Variants in HFM1 observed in about 807,000 individuals in gnomAD.
The protein encoded by HFM1 is probable ATP-dependent DNA helicase HFM1.
A neutral mutation model predicts 192.1 loss-of-function variants in HFM1; 169 were observed. That is an observed-to-expected ratio of 0.88 (90% CI 0.78 to 1.00). The LOEUF is 1.00. Among genes scored for constraint, HFM1 ranks in the 50% least tolerant of loss-of-function variants. The probability of loss-of-function intolerance (pLI) is 0.00; values close to 1 mark genes in which losing one functional copy is unlikely to be tolerated. For missense variants in HFM1, 1,661 were observed against 1,668.0 expected, an observed-to-expected ratio of 1.00 and a Z score of 0.07; for synonymous variants, 525 against 537.8, an observed-to-expected ratio of 0.98 and a Z score of 0.33.
In HFM1 at chr1:91,278,965, C is replaced by T. The variant is rs867733065; in HGVS notation, c.3392-1903G>A. Among the ~76,000 whole-genome samples the T allele has an allele frequency of 6.6e-5, 10 of 152,144 alleles. 1 individual carries two copies. In the South Asian group the frequency reaches 1.2e-3, roughly 19 times the overall value. ...AACATAAAAAATAATGAAACATCCC[C>T]CTCTTCTGGCTAACACAGATGACTA... On this transcript the variant is annotated intron_variant, in intron 30 of 38. Coordinates refer to ENST00000370425, the MANE Select transcript of HFM1 (RefSeq NM_001017975.6).
intron 30 of HFM1, among the ~76,000 whole-genome samples, chr1:91,288,001 T>C (rs1340415049): frequency 6.6e-6 from 1 of 151,468 alleles, no homozygotes; most frequent in Admixed American, 6.6e-5. Context: ...CTCCAAGAAA[T>C]ATGGGACTAT....
chr1:91,352,585 A>G lies in HFM1; in HGVS notation c.1898T>C (p.Met633Thr). Residue 633 changes from methionine to threonine, a missense_variant, in exon 16 of 39, where the codon ATG becomes ACG. By Grantham distance (81) the Met-to-Thr change is moderately conservative. Transcript: ENST00000370425. ...PAHLVVIKST[M>T]HYAGGLFEEY... ...TTCAAACAGTCCTCCAGCATAATGCATTGTAGATTTTATAACTACTAGGTG... is the reference window on the plus strand; with the variant it reads ...TTCAAACAGTCCTCCAGCATAATGCGTTGTAGATTTTATAACTACTAGGTG... 6.2e-7 allele frequency: 1 copy of G among 1,609,476 alleles called. No homozygotes were observed. The highest frequency in any genetic ancestry group is 8.5e-7 in the Non-Finnish European group (1 of 1,176,990).
At chr1:91,321,590 A>G (rs890817266) in intron 23 of HFM1, among the ~76,000 whole-genome samples, 5 of 152,194 alleles carry the variant, frequency 3.3e-5, no homozygotes, top group African/African-American at 1.2e-4. Context: ...TGACAAAGCC[A>G]TGAAAAAGGT....
rs1484550801 is a variant in HFM1, at chr1:91,375,566, A to G, written c.1557T>C (p.Ser519=). 2 of 1,613,398 alleles carry G rather than the reference A, an allele frequency of 1.2e-6. No homozygotes were observed. The highest frequency in any genetic ancestry group is 1.7e-6 in the Non-Finnish European group (2 of 1,179,604). Residue 519 remains serine, a synonymous_variant, in exon 12 of 39, where the codon AGT becomes AGC. Transcript: ENST00000370425. ...TCTGATCAGAGTACATTTGTATAAC[A>G]CTGGCAATTTTGTAGTTGAGGGTTA... ...FDLTLNYKIA[S]VIQMYSDQKP...
At chr1:91,391,295 G>A (rs1662955909) in intron 4 of HFM1, among the ~76,000 whole-genome samples, 1 of 152,116 alleles carries the variant, frequency 6.6e-6, no homozygotes, top group African/African-American at 2.4e-5. Context: ...CATTGCCAAG[G>A]CAATCCTAAG....
At chr1:91,277,346 A>G (rs1666924546) in intron 30 of HFM1, among the ~76,000 whole-genome samples, 1 of 151,066 alleles carries the variant, frequency 6.6e-6, no homozygotes, top group African/African-American at 2.4e-5. Context: ...CAGCCTTCCA[A>G]GTAGCTGGGA....
chr1:91,277,566 GTATAATATATATACTTTATA>G (rs200475133), intron 30 of HFM1, among the ~76,000 whole-genome samples: 47,312 of 62,076 alleles, frequency 0.76, 21,925 homozygotes, highest in Middle Eastern at 0.92. Flanking sequence ...CTTTAAATAT[GTATAATATATATACTTTATA>G]TATAATATAT....
At chr1:91,372,409 T>C (rs1200959659) in intron 13 of HFM1, among the ~76,000 whole-genome samples, 4 of 152,152 alleles carry the variant, frequency 2.6e-5, no homozygotes, top group African/African-American at 9.7e-5. Flanking sequence ...TATGCAGCCA[T>C]AAAAAATGAT....
At chr1:91,326,133 A>C (rs1348557927) in intron 20 of HFM1, among the ~76,000 whole-genome samples, 1 of 152,240 alleles carries the variant, frequency 6.6e-6, no homozygotes, top group East Asian at 1.9e-4. Context: ...TAGCCTCAAA[A>C]GGGCAAATCT....
In HFM1 at chr1:91,266,109, T is replaced by C; in HGVS notation, c.3884-2A>G. ...TTGAACTCAAAGTGTTTCCAAATCC[T>C]ATGTGAAGAGATAACATTTTGAAAC... is the stretch of plus-strand genomic sequence containing the variant. On this transcript the variant is annotated splice_acceptor_variant, in intron 35 of 38. Coordinates refer to ENST00000370425, the MANE Select transcript of HFM1 (RefSeq NM_001017975.6). LOFTEE classifies it high-confidence loss of function. 7 of 1,588,696 alleles carry C rather than the reference T, an allele frequency of 4.4e-6. No homozygotes were observed. The highest frequency in any genetic ancestry group is 6.0e-6 in the Non-Finnish European group (7 of 1,172,258).
At chr1:91,403,436 AGAT>A (rs1158635048) in intron 1 of HFM1, among the ~76,000 whole-genome samples, 1 of 152,204 alleles carries the variant, frequency 6.6e-6, no homozygotes, top group East Asian at 1.9e-4. Flanking sequence ...AGGTTCTAAA[AGAT>A]GATGAATTTG....
chr1:91,303,227 T>C (rs1649107957), intron 30 of HFM1, among the ~76,000 whole-genome samples: 1 of 152,224 alleles, frequency 6.6e-6, no homozygotes, highest in South Asian at 2.1e-4. Context: ...TTTATGTCTC[T>C]ATAGATTTAC....
At chr1:91,263,636 C>A (rs1424681211) in intron 36 of HFM1, among the ~76,000 whole-genome samples, 3 of 151,944 alleles carry the variant, frequency 2.0e-5, no homozygotes, top group Admixed American at 2.0e-4. Flanking sequence ...ACCTGTAGTC[C>A]CAGCTACTTG....
At chr1:91,262,631 CAAG>C in intron 36 of HFM1, 39 bp from the exon 37 acceptor site, 1 of 1,197,440 alleles carries the variant, frequency 8.4e-7, no homozygotes, top group African/African-American at 1.5e-5. Flanking sequence ...ATACGGCAAA[CAAG>C]AAAAACCATT....
chr1:91,324,866 G>A (rs923012254), intron 20 of HFM1, 100 bp from the exon 21 acceptor site: 3 of 712,780 alleles, frequency 4.2e-6, no homozygotes, highest in Non-Finnish European at 7.6e-6. Context: ...GAAGCAAGAT[G>A]GTAGAACAGA....
At chr1:91,320,422 C>T (rs1651917641) in intron 23 of HFM1, among the ~76,000 whole-genome samples, 1 of 152,022 alleles carries the variant, frequency 6.6e-6, no homozygotes. Context: ...ACACAGTATA[C>T]TATCAAAGAA....
chr1:91,312,366 G>A (rs10923010), intron 30 of HFM1, among the ~76,000 whole-genome samples: 44,941 of 151,920 alleles, frequency 0.3, 6,941 homozygotes, highest in Non-Finnish European at 0.34. Context: ...AGCCACAGGG[G>A]TGGATCTTCC....
chr1:91,351,695 A>C (rs1054798275), intron 16 of HFM1, 52 bp from the exon 17 acceptor site: 1 of 909,948 alleles, frequency 1.1e-6, no homozygotes, highest in African/African-American at 1.7e-5. Context: ...TCTTGGTAGC[A>C]GTCCTCTTCA....
chr1:91,350,750 G>T lies in HFM1; in HGVS notation c.2194C>A (p.Pro732Thr). ...TLLYIRALKN[P>T]SHYGFASGLN... is the part of the protein sequence containing the mutation. The stretch of plus-strand genomic sequence containing the variant: ...CAAAGTAACAAACCATAATGAGATG[G>T]ATTTTTCAAGGCTCTGATATAAAGC... The change falls in exon 18 of 39, where the codon CCA becomes ACA. Residue 732 changes from proline (P) to threonine (T), a missense_variant. Transcript: ENST00000370425. 1 of 1,610,568 alleles carries T rather than the reference G, an allele frequency of 6.2e-7. No homozygotes were observed. Among genetic ancestry groups the T allele is most frequent in the South Asian group, 1.1e-5 (1 of 90,576 alleles).
Sources: allele counts gnomAD v4.1 joint callset (sites outside exome capture counted in the v4.1 genomes callset), GRCh38; gene constraint gnomAD v4.1.1; transcripts MANE v1.5; gene names NCBI Gene and HGNC (gene_info 2026-07-23, HGNC 2026-07-21).